The following GALNT17 variants were observed in gnomAD, a reference collection of about 807,000 sequenced individuals.
GALNT17 encodes the protein polypeptide N-acetylgalactosaminyltransferase 17.
A neutral mutation model predicts 63.7 loss-of-function variants in GALNT17; 29 were observed. The ratio of observed to expected loss-of-function variants is 0.46; its 90% confidence interval spans 0.34 to 0.62. GALNT17 has a LOEUF of 0.62. Ranked by LOEUF, GALNT17 falls within the 20% of genes least tolerant of loss-of-function variation. GALNT17 has a pLI of 0.01. For synonymous variants in GALNT17, 305 were observed against 318.3 expected (o/e 0.96, Z 0.45); for missense variants, 603 against 799.6 (o/e 0.75, Z 2.97).
At chr7:71,475,370 A>G (rs1787705684) in intron 5 of GALNT17, among the ~76,000 whole-genome samples, 1 of 152,214 alleles carries the variant, frequency 6.6e-6, no homozygotes, top group Non-Finnish European at 1.5e-5. Flanking sequence ...TCCTGCAACT[A>G]AACGGTCCCT....
At chr7:71,200,330 G>A (rs1789143367) in intron 1 of GALNT17, among the ~76,000 whole-genome samples, 1 of 152,154 alleles carries the variant, frequency 6.6e-6, no homozygotes, top group Non-Finnish European at 1.5e-5. Flanking sequence ...AGCCTGCACT[G>A]CATGCTCAAC....
Position 71,195,610 on chromosome 7 carries a change from C to T in GALNT17, c.238+62570C>T, listed in dbSNP as rs569505021. 3.3e-5 allele frequency among the ~76,000 whole-genome samples: 5 copies of T among 151,582 alleles called. No homozygotes were observed. In the South Asian group the frequency reaches 8.4e-4, roughly 25 times the overall value. On this transcript the variant is annotated intron_variant, in intron 1 of 10. Transcript: ENST00000333538. ...TCACCCAGACTGGAGTTCAGTGTTG[C>T]AATCATGGCTTACTGCACCCTCGGA...
At chr7:71,286,635 C>T (rs545319960) in intron 1 of GALNT17, among the ~76,000 whole-genome samples, 21 of 152,274 alleles carry the variant, frequency 1.4e-4, no homozygotes, top group African/African-American at 4.6e-4. Flanking sequence ...ATCTGGAGAC[C>T]CACGATCGAT....
intron 6 of GALNT17, among the ~76,000 whole-genome samples, chr7:71,639,606 A>C (rs1470332644): frequency 6.6e-6 from 1 of 152,142 alleles, no homozygotes; most frequent in East Asian, 1.9e-4. Context: ...ATAATTGTGA[A>C]CGGCCCGGGA....
chr7:71,538,943 T>C (rs939625786), intron 5 of GALNT17, among the ~76,000 whole-genome samples: 4 of 150,770 alleles, frequency 2.7e-5, no homozygotes, highest in African/African-American at 9.8e-5. Flanking sequence ...TTTTGGGGGG[T>C]TTTTGTTTGT....
At chr7:71,415,631 C>G (rs1012364623) in intron 3 of GALNT17, among the ~76,000 whole-genome samples, 1 of 152,074 alleles carries the variant, frequency 6.6e-6, no homozygotes, top group South Asian at 2.1e-4. Context: ...TCATAGCAGC[C>G]GGGATATAAA....
chr7:71,433,023 C>A (rs779754301), intron 5 of GALNT17, among the ~76,000 whole-genome samples: 20 of 152,166 alleles, frequency 1.3e-4, no homozygotes, highest in Non-Finnish European at 2.4e-4. Context: ...GTTGGCCAGG[C>A]TGGTCTCCAC....
chr7:71,284,062 C>T (rs1000431098), intron 1 of GALNT17: 1 of 152,064 alleles, frequency 6.6e-6, no homozygotes, highest in Admixed American at 6.6e-5. Context: ...CTGCAACCGG[C>T]TCTGGTTCTT....
chr7:71,504,835 C>T (rs1050121219), intron 5 of GALNT17, among the ~76,000 whole-genome samples: 1 of 152,098 alleles, frequency 6.6e-6, no homozygotes, highest in African/African-American at 2.4e-5. Flanking sequence ...CTCAATGCTA[C>T]GTCCTGAATA....
intron 5 of GALNT17, among the ~76,000 whole-genome samples, chr7:71,479,627 AAGAT>A: frequency 6.6e-6 from 1 of 152,288 alleles, no homozygotes; most frequent in African/African-American, 2.4e-5. Flanking sequence ...TGCATATAGA[AAGAT>A]GTTTAAACCT....
At chr7:71,269,325 G>C (rs1202296936) in intron 1 of GALNT17, among the ~76,000 whole-genome samples, 1 of 152,126 alleles carries the variant, frequency 6.6e-6, no homozygotes, top group African/African-American at 2.4e-5. Context: ...AAATAAGCTG[G>C]GCATGGTGGT....
rs1790813899 is a variant in GALNT17 at position 71,655,305 on chromosome 7, A to G, written c.1081-10106A>G. ...TTCAAAAAACTTTCTGCTACCTGGA[A>G]GGGAATTTTGGACAGATTAAAAGAA... On this transcript the variant is annotated intron_variant, in intron 6 of 10. Coordinates refer to ENST00000333538, the MANE Select transcript of GALNT17 (RefSeq NM_022479.3). Among the ~76,000 whole-genome samples the G allele has an allele frequency of 2.0e-5, 3 of 152,176 alleles. No individual in the cohort carries two copies. The South Asian group carries it at 6.2e-4, about 32-fold the overall frequency.
At chr7:71,365,469 A>C (rs1351696079) in intron 2 of GALNT17, among the ~76,000 whole-genome samples, 1 of 152,116 alleles carries the variant, frequency 6.6e-6, no homozygotes, top group African/African-American at 2.4e-5. Context: ...CAATCTCTTG[A>C]CCTGTGGTGA....
intron 1 of GALNT17, among the ~76,000 whole-genome samples, chr7:71,184,997 TTCTTCCTTCCC>T: frequency 1.6e-5 from 2 of 125,972 alleles, no homozygotes; most frequent in African/African-American, 7.0e-5. Context: ...CCTTCCTTCC[TTCTTCCTTCCC>T]TCCCTCCCTC....
intron 1 of GALNT17, among the ~76,000 whole-genome samples, chr7:71,207,912 T>C (rs1477965191): frequency 2.0e-5 from 3 of 152,060 alleles, no homozygotes; most frequent in Non-Finnish European, 4.4e-5. Flanking sequence ...GAGGTGGACA[T>C]GTGCCTGTAA....
chr7:71,258,426 A>C (rs886595621), intron 1 of GALNT17, among the ~76,000 whole-genome samples: 2 of 152,196 alleles, frequency 1.3e-5, no homozygotes, highest in African/African-American at 4.8e-5. Flanking sequence ...AGCCTTGATA[A>C]TGCAGGTTAC....
intron 5 of GALNT17, among the ~76,000 whole-genome samples, chr7:71,473,049 C>T (rs1346680229): frequency 1.3e-5 from 2 of 152,100 alleles, no homozygotes; most frequent in Admixed American, 6.5e-5. Context: ...ATTGGCTCAG[C>T]GTAAAGAGGC....
At chr7:71,205,959 C>T (rs1212829433) in intron 1 of GALNT17, among the ~76,000 whole-genome samples, 1 of 151,382 alleles carries the variant, frequency 6.6e-6, no homozygotes, top group East Asian at 1.9e-4. Context: ...AGAATGATTT[C>T]TTTTTGATAT....
chr7:71,319,404 G>A (rs1791564107), intron 1 of GALNT17, among the ~76,000 whole-genome samples: 1 of 151,928 alleles, frequency 6.6e-6, no homozygotes, highest in South Asian at 2.1e-4. Context: ...TGTTTTCTTT[G>A]CTTGGCCTTT....
Sources: allele counts gnomAD v4.1 joint callset (sites outside exome capture counted in the v4.1 genomes callset), GRCh38; gene constraint gnomAD v4.1.1; transcripts MANE v1.5; gene names NCBI Gene and HGNC (gene_info 2026-07-23, HGNC 2026-07-21).